The following PAPSS1 variants were observed in gnomAD, a reference collection of about 807,000 sequenced individuals.
PAPSS1 encodes the protein 3'-phosphoadenosine 5'-phosphosulfate synthase 1.
A neutral mutation model predicts 72.0 loss-of-function variants in PAPSS1; 50 were observed. The observed-to-expected ratio is 0.69, with a 90% CI of 0.55 to 0.88. PAPSS1 has a LOEUF of 0.88. Among genes scored for constraint, PAPSS1 ranks in the 40% least tolerant of loss-of-function variants. The pLI is 0.00. For missense variants in PAPSS1, 657 were observed against 782.2 expected, an observed-to-expected ratio of 0.84 and a Z score of 1.91; for synonymous variants, 261 against 263.6, an observed-to-expected ratio of 0.99 and a Z score of 0.09.
chr4:107,632,764 G>A (rs1726256575), intron 10 of PAPSS1, among the ~76,000 whole-genome samples: 1 of 152,124 alleles, frequency 6.6e-6, no homozygotes, highest in African/African-American at 2.4e-5. Flanking sequence ...ATAAACTCAG[G>A]CCTAGAAATT....
At chr4:107,668,210 T>C (rs1727372533) in intron 5 of PAPSS1, among the ~76,000 whole-genome samples, 1 of 152,224 alleles carries the variant, frequency 6.6e-6, no homozygotes, top group South Asian at 2.1e-4. Flanking sequence ...CTGAACTATC[T>C]GGGACAAATA....
chr4:107,654,344 G>T (rs548763804), intron 8 of PAPSS1, among the ~76,000 whole-genome samples: 1 of 152,198 alleles, frequency 6.6e-6, no homozygotes, highest in African/African-American at 2.4e-5. Context: ...GGCTCCCTTA[G>T]CCTCTACCTC....
At chr4:107,683,976 A>AC (rs59567207) in intron 4 of PAPSS1, among the ~76,000 whole-genome samples, 31,124 of 97,618 alleles carry the variant, frequency 0.32, 3,308 homozygotes, top group Middle Eastern at 0.42. Context: ...ACACACACAC[A>AC]AACACACATT....
At chr4:107,649,506 C>T (rs1343734167) in intron 9 of PAPSS1, among the ~76,000 whole-genome samples, 1 of 152,216 alleles carries the variant, frequency 6.6e-6, no homozygotes, top group Non-Finnish European at 1.5e-5. Context: ...ATGCTCAAAG[C>T]CTCATCTGAG....
At chr4:107,705,543 C>T (rs1042332964) in intron 1 of PAPSS1, among the ~76,000 whole-genome samples, 4 of 152,176 alleles carry the variant, frequency 2.6e-5, no homozygotes, top group Non-Finnish European at 5.9e-5. Flanking sequence ...TTATAGTTTA[C>T]CTGGTCTTAG....
chr4:107,677,793 C>G (rs1182800924), intron 5 of PAPSS1, among the ~76,000 whole-genome samples: 3 of 152,148 alleles, frequency 2.0e-5, no homozygotes, highest in Non-Finnish European at 4.4e-5. Context: ...ACCCAAATGT[C>G]CAACAATGAT....
At chr4:107,678,268 T>C (rs1411826106) in intron 5 of PAPSS1, among the ~76,000 whole-genome samples, 2 of 146,860 alleles carry the variant, frequency 1.4e-5, no homozygotes, top group African/African-American at 2.5e-5. Flanking sequence ...TTAATATCTA[T>C]GTCTAGAACT....
At chr4:107,659,171 T>C in intron 6 of PAPSS1, among the ~76,000 whole-genome samples, 1 of 152,212 alleles carries the variant, frequency 6.6e-6, no homozygotes, top group Non-Finnish European at 1.5e-5. Context: ...CATGTCTTGG[T>C]TTCTGGTCAG....
At chr4:107,619,087 C>T (rs189377937) in intron 11 of PAPSS1, among the ~76,000 whole-genome samples, 62 of 152,210 alleles carry the variant, frequency 4.1e-4, no homozygotes, top group Admixed American at 7.2e-4. Flanking sequence ...TTGTCACTTG[C>T]TTTATAAAGT....
intron 1 of PAPSS1, among the ~76,000 whole-genome samples, chr4:107,702,305 A>C (rs796925265): frequency 3.9e-5 from 6 of 152,330 alleles, no homozygotes; most frequent in African/African-American, 1.4e-4. Context: ...ATGACCAAAC[A>C]ATCCCATGCC....
At chr4:107,694,211 C>G (rs894981105) in intron 2 of PAPSS1, 3 of 519,762 alleles carry the variant, frequency 5.8e-6, no homozygotes, top group African/African-American at 1.9e-5. Context: ...CAGGCACATG[C>G]CACCACATCC....
intron 1 of PAPSS1, among the ~76,000 whole-genome samples, chr4:107,715,792 A>T (rs181502369): frequency 6.6e-6 from 1 of 152,242 alleles, no homozygotes; most frequent in Non-Finnish European, 1.5e-5. Flanking sequence ...TTAGAACAAG[A>T]ATAGTACTCA....
chr4:107,616,824 CATAAT>C (rs1725833652), intron 11 of PAPSS1, among the ~76,000 whole-genome samples: 1 of 152,134 alleles, frequency 6.6e-6, no homozygotes, highest in South Asian at 2.1e-4. Flanking sequence ...CACATAAATA[CATAAT>C]ATAAGAAATG....
At position 107,614,114 on chromosome 4, in the gene PAPSS1, G is replaced by T; in HGVS notation, c.*135C>A. 2.4e-6 allele frequency: 2 copies of T among 835,810 alleles called. No homozygotes were observed. The highest frequency in any genetic ancestry group is 3.7e-6 in the Non-Finnish European group (2 of 543,304). The allele number at this position is 835,810 out of a possible 1,614,324, so 51.8% of individuals were successfully genotyped here. A position where few individuals can be genotyped will look rare whatever the true frequency, so the allele number is the denominator to read the frequency against. ...AGAACTCATAAGGCAGACCAAAACT[G>T]ATGCAAGTTAAGGAAAATGGTCTGT... is the stretch of plus-strand genomic sequence containing the variant. On this transcript the variant is annotated 3_prime_UTR_variant, in exon 12 of 12. Transcript: ENST00000265174.
chr4:107,651,303 C>G (rs1469902786), intron 9 of PAPSS1, among the ~76,000 whole-genome samples: 1 of 152,084 alleles, frequency 6.6e-6, no homozygotes, highest in Middle Eastern at 3.2e-3. Flanking sequence ...AGTTCTTAAC[C>G]CATTTTATTA....
At chr4:107,705,747 C>T (rs1003367984) in intron 1 of PAPSS1, among the ~76,000 whole-genome samples, 1 of 152,180 alleles carries the variant, frequency 6.6e-6, no homozygotes, top group African/African-American at 2.4e-5. Flanking sequence ...CTGAACTTGA[C>T]CGTGGACTTA....
At chr4:107,704,202 G>A (rs1195575089) in intron 1 of PAPSS1, among the ~76,000 whole-genome samples, 1 of 152,108 alleles carries the variant, frequency 6.6e-6, no homozygotes, top group African/African-American at 2.4e-5. Context: ...TTTGTATTCT[G>A]CAACTTTACT....
chr4:107,697,455 T>C (rs963445316), intron 2 of PAPSS1, among the ~76,000 whole-genome samples: 2 of 152,218 alleles, frequency 1.3e-5, no homozygotes, highest in Non-Finnish European at 2.9e-5. Flanking sequence ...TAACCACCAA[T>C]TGAGCATCAA....
At position 107,683,085 on chromosome 4, in the gene PAPSS1, C is replaced by A. The variant is rs573102296; in HGVS notation, c.551-952G>T. 5.3e-5 allele frequency among the ~76,000 whole-genome samples: 8 copies of A among 152,182 alleles called. No individual in the cohort carries two copies. In the South Asian group the frequency reaches 1.7e-3, roughly 32 times the overall value. ...GCTATTCCTATCTTATACCCCTGACCTTACCCCACACGTAAGTCATTCAAG... is the reference window on the plus strand; with the variant it reads ...GCTATTCCTATCTTATACCCCTGACATTACCCCACACGTAAGTCATTCAAG... On this transcript the variant is annotated intron_variant, in intron 4 of 11. Coordinates refer to ENST00000265174, the MANE Select transcript of PAPSS1 (RefSeq NM_005443.5).
Sources: allele counts gnomAD v4.1 joint callset (sites outside exome capture counted in the v4.1 genomes callset), GRCh38; gene constraint gnomAD v4.1.1; transcripts MANE v1.5; gene names NCBI Gene and HGNC (gene_info 2026-07-23, HGNC 2026-07-21).